Variants in RARB observed in about 807,000 individuals in gnomAD.
The protein encoded by RARB is retinoic acid receptor beta, also known as HBV-activated protein.
In RARB, 17 loss-of-function variants were observed where a neutral mutation model predicts 51.9. The observed-to-expected ratio is 0.33, with a 90% CI of 0.22 to 0.49. The LOEUF (loss-of-function observed/expected upper bound fraction) is 0.49, where lower values mean the gene tolerates loss of function less well. RARB is among the 20% of genes least tolerant of loss of function. The probability of loss-of-function intolerance (pLI) is 0.99; values close to 1 mark genes in which losing one functional copy is unlikely to be tolerated. For synonymous variants in RARB, 215 were observed against 195.4 expected, an observed-to-expected ratio of 1.10 and a Z score of -0.84; for missense variants, 369 against 550.8, an observed-to-expected ratio of 0.67 and a Z score of 3.30.
intron 5 of RARB, among the ~76,000 whole-genome samples, chr3:25,204,350 C>G (rs1447781120): frequency 2.0e-5 from 3 of 152,174 alleles, no homozygotes; most frequent in Non-Finnish European, 2.9e-5. Flanking sequence ...AGGTTTTTAA[C>G]TTCTTTGCCA....
At chr3:24,925,604 C>T (rs868273139) in intron 2 of RARB, among the ~76,000 whole-genome samples, 1 of 142,084 alleles carries the variant, frequency 7.0e-6, no homozygotes, top group Admixed American at 7.3e-5. Flanking sequence ...CAAGAGCTCA[C>T]GATTCCACTC....
intron 5 of RARB, among the ~76,000 whole-genome samples, chr3:25,237,178 A>G (rs552836553): frequency 1.3e-5 from 2 of 152,244 alleles, no homozygotes; most frequent in Non-Finnish European, 2.9e-5. Context: ...GGAATTCCAT[A>G]TAAAACAATA....
At chr3:24,830,639 C>A (rs1262594734) in intron 1 of RARB, among the ~76,000 whole-genome samples, 1 of 147,340 alleles carries the variant, frequency 6.8e-6, no homozygotes, top group Non-Finnish European at 1.5e-5. Flanking sequence ...GACGACCCTT[C>A]CAGGACCAGG....
intron 5 of RARB, among the ~76,000 whole-genome samples, chr3:25,258,574 A>G (rs563947502): frequency 2.0e-5 from 3 of 152,198 alleles, no homozygotes; most frequent in Non-Finnish European, 4.4e-5. Context: ...TTTGGAATGT[A>G]TAGTGGTTTT....
chr3:25,158,780 G>A (rs964696444), intron 4 of RARB, among the ~76,000 whole-genome samples: 6 of 152,156 alleles, frequency 3.9e-5, no homozygotes, highest in Non-Finnish European at 7.4e-5. Flanking sequence ...GTGCAGGCAC[G>A]TAGGAAGGCT....
At chr3:25,526,932 A>T (rs1698676005) in intron 3 of RARB, among the ~76,000 whole-genome samples, 1 of 152,192 alleles carries the variant, frequency 6.6e-6, no homozygotes, top group Admixed American at 6.5e-5. Flanking sequence ...CTTACTGATA[A>T]TTAAGCATGC....
chr3:24,923,572 T>C (rs1209748370), intron 2 of RARB, among the ~76,000 whole-genome samples: 1 of 152,158 alleles, frequency 6.6e-6, no homozygotes, highest in Non-Finnish European at 1.5e-5. Context: ...ATTTGCTTTT[T>C]GAGATACTGG....
chr3:24,972,575 A>G (rs1696424267), intron 2 of RARB, among the ~76,000 whole-genome samples: 1 of 152,012 alleles, frequency 6.6e-6, no homozygotes, highest in African/African-American at 2.4e-5. Context: ...ACAGTTTTCT[A>G]TAGTGGCTAC....
In RARB at chr3:24,946,244, A is replaced by T. The variant is rs544415247; in HGVS notation, c.-380+87492A>T. ...ACACCACTGCACTCCAGCCTGGGGGACAAAATGAGACTCCATCTCAAAAAA... is the reference window on the plus strand; with the variant it reads ...ACACCACTGCACTCCAGCCTGGGGGTCAAAATGAGACTCCATCTCAAAAAA... On this transcript the variant is annotated intron_variant, in intron 2 of 11. Transcript: ENST00000383772. Among the ~76,000 whole-genome samples the T allele has an allele frequency of 3.8e-5, 5 of 132,346 alleles. No homozygotes were observed. In the East Asian group the frequency reaches 1.2e-3, roughly 32 times the overall value. 86.8% of individuals were successfully genotyped at this position (132,346 alleles called of 152,430 possible). A position where few individuals can be genotyped will look rare whatever the true frequency, so the allele number is the denominator to read the frequency against.
chr3:25,116,371 G>T (rs962767541), intron 3 of RARB, among the ~76,000 whole-genome samples: 1 of 151,612 alleles, frequency 6.6e-6, no homozygotes, highest in Non-Finnish European at 1.5e-5. Context: ...CCCACTTTAT[G>T]CAAGTCATGA....
At chr3:25,038,828 C>T (rs1177058112) in intron 2 of RARB, among the ~76,000 whole-genome samples, 1 of 152,058 alleles carries the variant, frequency 6.6e-6, no homozygotes, top group South Asian at 2.1e-4. Flanking sequence ...TATTGCCAAC[C>T]TCTGGGTATG....
intron 4 of RARB, among the ~76,000 whole-genome samples, chr3:25,149,068 C>G (rs373832464): frequency 6.6e-6 from 1 of 152,154 alleles, no homozygotes; most frequent in Non-Finnish European, 1.5e-5. Flanking sequence ...ATCCCATCAC[C>G]TTTTTCTGAA....
intron 2 of RARB, among the ~76,000 whole-genome samples, chr3:25,477,463 T>A (rs760907758): frequency 5.9e-5 from 9 of 152,250 alleles, no homozygotes; most frequent in Non-Finnish European, 1.2e-4. Context: ...GTTTTGGGTT[T>A]CAAATATTGG....
chr3:24,972,747 A>G (rs1024874574), intron 2 of RARB, among the ~76,000 whole-genome samples: 1 of 151,976 alleles, frequency 6.6e-6, no homozygotes. Context: ...GATTAGTGAT[A>G]TTAAACATTT....
chr3:25,425,880 G>A (rs1707973841), upstream of RARB, among the ~76,000 whole-genome samples: 3 of 152,182 alleles, frequency 2.0e-5, no homozygotes, highest in Admixed American at 6.5e-5. Context: ...GAGATGTTAA[G>A]CAAGAATGTG....
At chr3:25,145,894 T>G (rs1465902267) in intron 4 of RARB, among the ~76,000 whole-genome samples, 1 of 151,800 alleles carries the variant, frequency 6.6e-6, no homozygotes, top group Non-Finnish European at 1.5e-5. Flanking sequence ...CCCAGCTACT[T>G]GGGAGGCTGA....
Position 25,393,530 on chromosome 3 carries a change from T to G in RARB, c.179-67663T>G, listed in dbSNP as rs549918028. ...CCATCTGTTCCTGAACTTTTTTTTGTTGGCAGTTTTTTAAATTACCATTTC... is the reference window on the plus strand; with the variant it reads ...CCATCTGTTCCTGAACTTTTTTTTGGTGGCAGTTTTTTAAATTACCATTTC... On this transcript the variant is annotated intron_variant, in intron 5 of 11. Transcript: ENST00000383772. 2.6e-5 allele frequency among the ~76,000 whole-genome samples: 4 copies of G among 152,232 alleles called. No homozygotes were observed. In the South Asian group the frequency reaches 8.3e-4, roughly 32 times the overall value.
At chr3:25,297,710 C>A (rs1285363578) in intron 5 of RARB, among the ~76,000 whole-genome samples, 2 of 151,852 alleles carry the variant, frequency 1.3e-5, no homozygotes, top group East Asian at 1.9e-4. Flanking sequence ...AGAGATGGTC[C>A]CATTTTTTCC....
chr3:24,865,164 A>G (rs1028229683), intron 2 of RARB, among the ~76,000 whole-genome samples: 4 of 152,170 alleles, frequency 2.6e-5, no homozygotes, highest in Admixed American at 6.5e-5. Flanking sequence ...TAAAAGGTTG[A>G]GGACCACAGT....
Sources: gnomAD v4.1 joint callset for allele counts (sites outside exome capture counted in the v4.1 genomes callset) on GRCh38, gnomAD v4.1.1 for gene constraint, MANE v1.5 for transcripts, NCBI Gene and HGNC (gene_info 2026-07-23, HGNC 2026-07-21) for gene names.